KIAA1549: variants seen among roughly 807,000 people sequenced by gnomAD.
The protein encoded by KIAA1549 is UPF0606 protein KIAA1549.
KIAA1549 carries 70 observed loss-of-function variants against 156.4 expected under a neutral mutation model. The observed-to-expected ratio is 0.45, with a 90% CI of 0.37 to 0.55. KIAA1549 has a LOEUF of 0.55. Ranked by LOEUF, KIAA1549 falls within the 20% of genes least tolerant of loss-of-function variation. The probability of loss-of-function intolerance (pLI) is 0.00; values close to 1 mark genes in which losing one functional copy is unlikely to be tolerated. For synonymous variants in KIAA1549, 1,103 were observed against 1,066.4 expected, an observed-to-expected ratio of 1.03 and a Z score of -0.67; for missense variants, 2,428 against 2,540.9, an observed-to-expected ratio of 0.96 and a Z score of 0.96.
In KIAA1549 at chr7:138,836,892, T is replaced by C. The variant is rs1221124691; in HGVS notation, c.*1014A>G. The C allele has an allele frequency of 6.2e-5, 14 of 226,092 alleles. No individual in the cohort carries two copies. In the East Asian group the frequency reaches 9.0e-4, roughly 14 times the overall value. 14.0% of individuals were successfully genotyped at this position (226,092 alleles called of 1,614,324 possible). A position where few individuals can be genotyped will look rare whatever the true frequency, so the allele number is the denominator to read the frequency against. ...TGGTAGGGATGTATGTATAACAATTTCGTGGTGCTGGGAATTATTAAATAA... is the reference window on the plus strand; with the variant it reads ...TGGTAGGGATGTATGTATAACAATTCCGTGGTGCTGGGAATTATTAAATAA... On this transcript the variant is annotated 3_prime_UTR_variant, in exon 20 of 20. Coordinates refer to ENST00000422774, the MANE Select transcript of KIAA1549 (RefSeq NM_001164665.2).
intron 1 of KIAA1549, among the ~76,000 whole-genome samples, chr7:138,976,540 T>C (rs761961051): frequency 2.0e-5 from 3 of 152,220 alleles, no homozygotes; most frequent in Non-Finnish European, 4.4e-5. Flanking sequence ...TTTATTACAG[T>C]AGACTGTTAG....
chr7:138,958,201 C>A (rs947477871), intron 1 of KIAA1549, among the ~76,000 whole-genome samples: 5 of 152,222 alleles, frequency 3.3e-5, no homozygotes, highest in African/African-American at 1.2e-4. Flanking sequence ...ACAAGAGGGG[C>A]CATCTGCGGG....
Position 138,869,686 on chromosome 7 carries a change from C to T in KIAA1549, c.4627G>A (p.Gly1543Arg), listed in dbSNP as rs780850827. 48 of 1,612,304 alleles carry T rather than the reference C, an allele frequency of 3.0e-5. No homozygotes were observed. Among genetic ancestry groups the T allele is most frequent in the Non-Finnish European group, 3.8e-5 (45 of 1,179,856 alleles). ...TCTACCACCGGGAACTCGTAGTGCC[C>T]GCGGCGCTTGGCGCGCAGGCGGATC... ...NKIRLRAKRR[G>R]HYEFPVVDDL... Residue 1543 changes from glycine (G) to arginine (R), a missense_variant, in exon 14 of 20, where the codon GGG becomes AGG. Coordinates refer to ENST00000422774, the MANE Select transcript of KIAA1549 (RefSeq NM_001164665.2).
chr7:138,861,416 G>A lies in KIAA1549; in HGVS notation c.4970C>T (p.Ser1657Leu), dbSNP rs747362005. 17 of 1,612,272 alleles carry A rather than the reference G, an allele frequency of 1.1e-5. No homozygotes were observed. The highest frequency in any genetic ancestry group is 1.6e-4 in the Middle Eastern group (1 of 6,078). Residue 1657 changes from serine to leucine, a missense_variant, in exon 16 of 20, where the codon TCG becomes TTG. Ser to Leu is a moderately radical substitution (Grantham distance 145, BLOSUM62 -2). Transcript: ENST00000422774. ...DLPADVQTPS[S>L]VELGRYPALP... ...GGCTGGATACCTCCCCAGTTCCACC[G>A]AGGATGGTGTCTGCACATCGGCTGG...
chr7:138,883,089 TAAAA>T (rs1201752539), intron 10 of KIAA1549, among the ~76,000 whole-genome samples: 2 of 47,064 alleles, frequency 4.2e-5, no homozygotes, highest in Non-Finnish European at 3.9e-5. Context: ...CCATCTCCCC[TAAAA>T]AAAAAAAAAA....
chr7:138,838,204 A>G, intron 19 of KIAA1549, 44 bp from the exon 20 acceptor site: 1 of 1,441,726 alleles, frequency 6.9e-7, no homozygotes, highest in South Asian at 1.5e-5. Flanking sequence ...ACGAAGAATA[A>G]GCCGAAACAT....
At chr7:138,980,140 C>T (rs1052962128) in intron 1 of KIAA1549, among the ~76,000 whole-genome samples, 3 of 152,170 alleles carry the variant, frequency 2.0e-5, no homozygotes, top group African/African-American at 7.2e-5. Context: ...GGTTTTTGTT[C>T]TGTGTGCAGC....
rs533480627 is a variant in KIAA1549 at position 138,870,600 on chromosome 7, CTCTT to C, written c.4551+553_4551+556del. On this transcript the variant is annotated intron_variant, in intron 13 of 19. Coordinates refer to ENST00000422774, the MANE Select transcript of KIAA1549 (RefSeq NM_001164665.2). The stretch of plus-strand genomic sequence containing the variant: ...TGAGGAGGATCAGAAGCTGAAGTGG[CTCTT>C]TCTGAGGAGGGCAGCCCCTGGTCGG... Among the ~76,000 whole-genome samples the C allele has an allele frequency of 9.8e-4, 149 of 152,270 alleles. 1 individual carries two copies. Among genetic ancestry groups the C allele is most frequent in the African/African-American group, 3.5e-3 (146 of 41,552 alleles).
intron 12 of KIAA1549, among the ~76,000 whole-genome samples, chr7:138,872,389 C>CA (rs1033993791): frequency 2.9e-4 from 42 of 144,384 alleles, no homozygotes; most frequent in East Asian, 6.1e-4. Context: ...TTCAAATGCA[C>CA]AAAAAAAAAG....
chr7:138,936,617 G>C (rs1356322919), intron 1 of KIAA1549, among the ~76,000 whole-genome samples: 10 of 152,128 alleles, frequency 6.6e-5, no homozygotes, highest in African/African-American at 2.4e-4. Context: ...AATGGCTTCT[G>C]TTTCCTGGGT....
intron 1 of KIAA1549, among the ~76,000 whole-genome samples, chr7:138,971,199 C>T (rs1339686471): frequency 6.6e-6 from 1 of 152,168 alleles, no homozygotes; most frequent in Non-Finnish European, 1.5e-5. Context: ...CACTGCCTGG[C>T]AATTCTTTCA....
At position 138,917,448 on chromosome 7, in the gene KIAA1549, A is replaced by T; in HGVS notation, c.2178T>A (p.Ser726=). 6.2e-7 allele frequency: 1 copy of T among 1,613,964 alleles called. No individual in the cohort carries two copies. Among genetic ancestry groups the T allele is most frequent in the Non-Finnish European group, 8.5e-7 (1 of 1,179,890 alleles). The change falls in exon 2 of 20, where the codon TCT becomes TCA. Residue 726 remains serine, a synonymous_variant. Transcript: ENST00000422774. ...VSPWSSFPSD[S]LEFVEASTVS... is the part of the protein sequence containing the mutation. ...CCGTAGACGCTTCAACAAACTCGAG[A>T]GAATCAGAAGGGAAGCTTGACCATG...
chr7:138,981,055 G>A lies in KIAA1549; in HGVS notation c.187+28C>T. 20 of 1,223,148 alleles carry A rather than the reference G, an allele frequency of 1.6e-5. No homozygotes were observed. The highest frequency in any genetic ancestry group is 2.0e-5 in the Non-Finnish European group (20 of 981,284). The allele number at this position is 1,223,148 out of a possible 1,614,324, so 75.8% of individuals were successfully genotyped here. A position where few individuals can be genotyped will look rare whatever the true frequency, so the allele number is the denominator to read the frequency against. The stretch of plus-strand genomic sequence containing the variant: ...GATAAAGGCAGGCGGGGTCGCGGCC[G>A]CGTTCCGAGGGTCTCGGCGGAGCTT... On this transcript the variant is annotated intron_variant, in intron 1 of 19. Coordinates refer to ENST00000422774, the MANE Select transcript of KIAA1549 (RefSeq NM_001164665.2). This position sits in a 1 kb window ranked among gnomAD's most constrained non-coding sequence, Gnocchi z 4.5.
chr7:138,877,675 G>A (rs1237339589), intron 12 of KIAA1549, among the ~76,000 whole-genome samples: 1 of 152,186 alleles, frequency 6.6e-6, no homozygotes, highest in African/African-American at 2.4e-5. Flanking sequence ...TTTATAGTGA[G>A]AAAACTATCT....
At chr7:138,855,686 G>A (rs991954445) in intron 16 of KIAA1549, among the ~76,000 whole-genome samples, 4 of 152,096 alleles carry the variant, frequency 2.6e-5, no homozygotes, top group South Asian at 2.1e-4. Context: ...AATGAAACTC[G>A]AGAACATTAA....
At chr7:138,864,568 T>C (rs1437005555) in intron 15 of KIAA1549, among the ~76,000 whole-genome samples, 1 of 152,254 alleles carries the variant, frequency 6.6e-6, no homozygotes, top group African/African-American at 2.4e-5. Context: ...CACACATAGA[T>C]GTGTTCAGAT....
chr7:138,874,868 A>C (rs905920340), intron 12 of KIAA1549, among the ~76,000 whole-genome samples: 2 of 151,976 alleles, frequency 1.3e-5, no homozygotes, highest in African/African-American at 4.8e-5. Context: ...GGTGGTGTAC[A>C]CCTGTAGGCC....
chr7:138,954,640 AGT>A (rs1027684571), intron 1 of KIAA1549, among the ~76,000 whole-genome samples: 1 of 151,948 alleles, frequency 6.6e-6, no homozygotes, highest in Non-Finnish European at 1.5e-5. Flanking sequence ...TGCCATAAGC[AGT>A]TTTCCACTTG....
At chr7:138,845,218 T>C (rs1489144540) in intron 17 of KIAA1549, among the ~76,000 whole-genome samples, 1 of 97,534 alleles carries the variant, frequency 1.0e-5, no homozygotes, top group African/African-American at 4.2e-5. Flanking sequence ...CATAATACTT[T>C]TCATGAAATT....
Sources: gnomAD v4.1 joint callset for allele counts (sites outside exome capture counted in the v4.1 genomes callset) on GRCh38, gnomAD v4.1.1 for gene constraint, Gnocchi (gnomAD v3.1) non-coding constraint, MANE v1.5 for transcripts, NCBI Gene and HGNC (gene_info 2026-07-23, HGNC 2026-07-21) for gene names.